CENPW: variants seen among roughly 807,000 people sequenced by gnomAD.
CENPW encodes cancer-up-regulated gene 2 protein.
In CENPW, 3 loss-of-function variants were observed where a neutral mutation model predicts 11.1. The ratio of observed to expected loss-of-function variants is 0.27; its 90% CI spans 0.12 to 0.70. The LOEUF (loss-of-function observed/expected upper bound fraction) is 0.70, where lower values mean the gene tolerates loss of function less well. CENPW is among the 30% of genes least tolerant of loss of function. The pLI is 0.77. For missense variants in CENPW, 100 were observed against 105.6 expected, an observed-to-expected ratio of 0.95 and a Z score of 0.23; for synonymous variants, 38 against 42.0, an observed-to-expected ratio of 0.91 and a Z score of 0.37.
chr6:126,406,012 G>A, the CENPW span, among the ~76,000 whole-genome samples: 1 of 152,064 alleles, frequency 6.6e-6, no homozygotes, highest in Admixed American at 6.6e-5. Flanking sequence ...TGGTGAAAGT[G>A]AGCATCCTTG....
the CENPW span, among the ~76,000 whole-genome samples, chr6:126,470,155 A>G: frequency 6.6e-6 from 1 of 152,242 alleles, no homozygotes; most frequent in Admixed American, 6.5e-5. Context: ...AGCTCCTCCC[A>G]TCACAGGCCT....
At chr6:126,471,530 T>C in the CENPW span, among the ~76,000 whole-genome samples, 6 of 152,246 alleles carry the variant, frequency 3.9e-5, no homozygotes, top group South Asian at 8.3e-4. Flanking sequence ...GCAGCACTAT[T>C]TTAAATGGCC....
At chr6:126,458,052 A>C in the CENPW span, among the ~76,000 whole-genome samples, 1 of 151,120 alleles carries the variant, frequency 6.6e-6, no homozygotes, top group African/African-American at 2.4e-5. Context: ...TTATCATCTC[A>C]CTGTCTTCTA....
the CENPW span, among the ~76,000 whole-genome samples, chr6:126,467,742 G>A: frequency 2.0e-5 from 3 of 152,106 alleles, no homozygotes. Context: ...ACTTGTTAAG[G>A]CGGGTTGCAC....
chr6:126,462,817 G>A, the CENPW span, among the ~76,000 whole-genome samples: 1 of 151,974 alleles, frequency 6.6e-6, no homozygotes, highest in African/African-American at 2.4e-5. Flanking sequence ...TTGAAAGGAC[G>A]AGTGCTTGTA....
chr6:126,378,340 A>G, the CENPW span, among the ~76,000 whole-genome samples: 4 of 151,976 alleles, frequency 2.6e-5, no homozygotes, highest in Admixed American at 2.0e-4. Context: ...GTTTTCTATC[A>G]TGGATGCAAT....
the CENPW span, among the ~76,000 whole-genome samples, chr6:126,446,381 G>A: frequency 7.0e-6 from 1 of 142,280 alleles, no homozygotes; most frequent in African/African-American, 2.6e-5. Context: ...AAAAAACAGG[G>A]CAGCTGAAAA....
the CENPW span, among the ~76,000 whole-genome samples, chr6:126,360,564 C>T: frequency 6.6e-6 from 1 of 152,100 alleles, no homozygotes. Flanking sequence ...ATGTCAATGA[C>T]TTGTAAGTTT....
rs190408820 is a variant in CENPW at position 126,348,846 on chromosome 6, T to G, written c.*354T>G. 4.2e-4 allele frequency: 67 copies of G among 160,894 alleles called. No homozygotes were observed. The highest frequency in any genetic ancestry group is 1.1e-3 in the Admixed American group (17 of 15,494). 10.0% of individuals were successfully genotyped at this position (160,894 alleles called of 1,614,324 possible). On this transcript the variant is annotated 3_prime_UTR_variant, in exon 3 of 3. Transcript: ENST00000368328. ...TATATATATTTAGATTTAGCCACAG[T>G]TAACTATGGAATTTAATCTCTGAAG...
chr6:126,410,827 G>T, the CENPW span, among the ~76,000 whole-genome samples: 2 of 151,622 alleles, frequency 1.3e-5, no homozygotes, highest in African/African-American at 4.8e-5. Context: ...TGCAGGCTTT[G>T]CATTTGATTT....
At chr6:126,418,342 A>G in the CENPW span, among the ~76,000 whole-genome samples, 29 of 152,368 alleles carry the variant, frequency 1.9e-4, no homozygotes, top group East Asian at 5.6e-3. Flanking sequence ...TGGAAACTTA[A>G]TAGTCCATTA....
At chr6:126,449,522 A>T in the CENPW span, among the ~76,000 whole-genome samples, 1 of 151,102 alleles carries the variant, frequency 6.6e-6, no homozygotes. Flanking sequence ...AACCAGTAAG[A>T]CAACTCAGAG....
the CENPW span, among the ~76,000 whole-genome samples, chr6:126,391,332 A>G: frequency 2.0e-5 from 3 of 151,594 alleles, no homozygotes; most frequent in Non-Finnish European, 4.4e-5. Flanking sequence ...TTTTTTTCCT[A>G]CTGAATTGTT....
At chr6:126,435,921 AT>A in the CENPW span, among the ~76,000 whole-genome samples, 2 of 151,772 alleles carry the variant, frequency 1.3e-5, no homozygotes, top group African/African-American at 4.8e-5. Flanking sequence ...ACTACACTGT[AT>A]TTTTTTAATG....
chr6:126,361,155 T>G, the CENPW span, among the ~76,000 whole-genome samples: 1 of 152,342 alleles, frequency 6.6e-6, no homozygotes, highest in African/African-American at 2.4e-5. Context: ...TGAATTCTTA[T>G]ACTTGTTTTC....
chr6:126,445,434 G>A, the CENPW span, among the ~76,000 whole-genome samples: 8 of 151,084 alleles, frequency 5.3e-5, no homozygotes, highest in South Asian at 4.2e-4. Context: ...ACCAGTAATC[G>A]GTTTATTCTT....
chr6:126,444,817 T>C, the CENPW span, among the ~76,000 whole-genome samples: 1 of 151,228 alleles, frequency 6.6e-6, no homozygotes, highest in Non-Finnish European at 1.5e-5. Flanking sequence ...TTCCTGATTT[T>C]AAATGAAAAG....
chr6:126,459,003 C>G, the CENPW span, among the ~76,000 whole-genome samples: 1 of 151,272 alleles, frequency 6.6e-6, no homozygotes, highest in Non-Finnish European at 1.5e-5. Flanking sequence ...TCTGATTATT[C>G]TAGTATGTAG....
the CENPW span, among the ~76,000 whole-genome samples, chr6:126,475,250 T>G: frequency 0.018 from 2,809 of 152,144 alleles, 85 homozygotes; most frequent in African/African-American, 0.064. Context: ...AGAAATAAAA[T>G]GTTGCTTCCA....
Sources: gnomAD v4.1 joint callset for allele counts (sites outside exome capture counted in the v4.1 genomes callset) on GRCh38, gnomAD v4.1.1 for gene constraint, MANE v1.5 for transcripts, NCBI Gene and HGNC (gene_info 2026-07-23, HGNC 2026-07-21) for gene names.